Variants in SGPP2 observed in about 807,000 individuals in gnomAD.
SGPP2 encodes the protein sphingosine 1-phosphate phosphohydrolase 2.
Under a neutral mutation model 33.9 loss-of-function variants are expected in SGPP2, and 30 were observed. The ratio of observed to expected loss-of-function variants is 0.89; its 90% confidence interval spans 0.66 to 1.20. The LOEUF is 1.20. Ranked by LOEUF, SGPP2 falls within the 50% of genes most tolerant of loss-of-function variation. SGPP2 has a pLI of 0.00. For missense variants in SGPP2, 458 were observed against 532.1 expected (o/e 0.86, Z 1.37); for synonymous variants, 233 against 225.0 (o/e 1.04, Z -0.32).
chr2:222,489,540 A>C (rs1698165153), intron 2 of SGPP2, among the ~76,000 whole-genome samples: 1 of 151,980 alleles, frequency 6.6e-6, no homozygotes, highest in Non-Finnish European at 1.5e-5. Flanking sequence ...ATACCATAGA[A>C]AGCTTTTAGA....
intron 4 of SGPP2, among the ~76,000 whole-genome samples, chr2:222,530,559 T>C (rs951594019): frequency 2.0e-5 from 3 of 152,250 alleles, no homozygotes; most frequent in Admixed American, 6.5e-5. Flanking sequence ...AGACTTTTTT[T>C]CTGCAGCTTC....
chr2:222,460,346 G>A lies in SGPP2; in HGVS notation c.220-14222G>A, dbSNP rs1029400266. Among the ~76,000 whole-genome samples, 7 of 152,292 alleles carry A rather than the reference G, an allele frequency of 4.6e-5. No homozygotes were observed. The highest frequency in any genetic ancestry group is 1.9e-4 in the East Asian group (1 of 5,178). On this transcript the variant is annotated intron_variant, in intron 1 of 4. Transcript: ENST00000321276. This position sits in a 1 kb window ranked among gnomAD's most constrained non-coding sequence, Gnocchi z 4.3. Reference sequence around the variant, plus strand: ...GTTATTTCAGATGTGAGGTGGGAGCGCAGGGAGGCTCCAGTGGGGCTGCTG... The same window carrying A: ...GTTATTTCAGATGTGAGGTGGGAGCACAGGGAGGCTCCAGTGGGGCTGCTG...
intron 1 of SGPP2, among the ~76,000 whole-genome samples, chr2:222,430,080 G>A (rs1367780671): frequency 2.3e-5 from 2 of 85,508 alleles, no homozygotes; most frequent in Admixed American, 1.6e-4. Context: ...AAAGGATGCA[G>A]TGCAAAAAAT....
chr2:222,561,451 TTG>T lies in SGPP2; in HGVS notation c.*2555_*2556del. ...TGACAAAAGGATCAGCTTTTCCCACTTGTATTTTTTAAAAAGAGGGATTGTGA... is the reference window on the plus strand; with the variant it reads ...TGACAAAAGGATCAGCTTTTCCCACTTATTTTTTAAAAAGAGGGATTGTGA... On this transcript the variant is annotated 3_prime_UTR_variant, in exon 5 of 5. Transcript: ENST00000321276. Among the ~76,000 whole-genome samples, 1 of 151,970 alleles carries T rather than the reference TTG, an allele frequency of 6.6e-6. No individual in the cohort carries two copies. The highest frequency in any genetic ancestry group is 1.9e-4 in the East Asian group (1 of 5,172).
chr2:222,455,295 C>A (rs997146233), intron 1 of SGPP2, among the ~76,000 whole-genome samples: 3 of 151,810 alleles, frequency 2.0e-5, no homozygotes, highest in Admixed American at 6.6e-5. Flanking sequence ...TGATGTGGAG[C>A]CAGGGAGGTG....
chr2:222,470,158 T>G (rs1370291615), intron 1 of SGPP2, among the ~76,000 whole-genome samples: 1 of 152,100 alleles, frequency 6.6e-6, no homozygotes, highest in African/African-American at 2.4e-5. Context: ...GGCAAATACC[T>G]AATGCATGCG....
chr2:222,475,579 C>A (rs1697921796), intron 2 of SGPP2, among the ~76,000 whole-genome samples: 1 of 152,196 alleles, frequency 6.6e-6, no homozygotes. Flanking sequence ...TAAGGCAAAG[C>A]AGCTTCCTTG....
intron 1 of SGPP2, among the ~76,000 whole-genome samples, chr2:222,457,054 A>G (rs1264330543): frequency 1.3e-5 from 2 of 152,176 alleles, no homozygotes; most frequent in Non-Finnish European, 2.9e-5. Context: ...AGAAAAAAAA[A>G]TCTTCAGAGC....
chr2:222,478,267 T>TTGTG (rs113118208), intron 2 of SGPP2, among the ~76,000 whole-genome samples: 15,272 of 141,462 alleles, frequency 0.11, 856 homozygotes, highest in East Asian at 0.16. Context: ...GTGCATGCAT[T>TTGTG]TGTGTGTGTG....
chr2:222,530,646 G>A (rs1442909200), intron 4 of SGPP2, among the ~76,000 whole-genome samples: 3 of 152,172 alleles, frequency 2.0e-5, no homozygotes, highest in African/African-American at 7.2e-5. Context: ...AGGGAATGTT[G>A]TGACTGGTTT....
At chr2:222,487,556 A>G (rs1372632858) in intron 2 of SGPP2, among the ~76,000 whole-genome samples, 1 of 152,184 alleles carries the variant, frequency 6.6e-6, no homozygotes, top group Non-Finnish European at 1.5e-5. Flanking sequence ...GGCTTCAACC[A>G]TGCATCTGCC....
intron 1 of SGPP2, among the ~76,000 whole-genome samples, chr2:222,431,733 G>A (rs991527540): frequency 6.6e-6 from 1 of 152,184 alleles, no homozygotes; most frequent in Middle Eastern, 3.2e-3. Context: ...GAGGCCCTTA[G>A]CAAAGAAAGG....
chr2:222,440,726 T>C lies in SGPP2; in HGVS notation c.219+15905T>C, dbSNP rs146397045. On this transcript the variant is annotated intron_variant, in intron 1 of 4. Transcript: ENST00000321276. ...TTGCAAGTAGATCAAATTTGCACAT[T>C]AGGACAACTTCAGTCTCTCTTCCAG... Among the ~76,000 whole-genome samples, 11 of 152,304 alleles carry C rather than the reference T, an allele frequency of 7.2e-5. No individual in the cohort carries two copies. In the East Asian group the frequency reaches 2.1e-3, roughly 29 times the overall value.
intron 4 of SGPP2, among the ~76,000 whole-genome samples, chr2:222,552,300 T>G (rs1355579351): frequency 6.6e-6 from 1 of 152,234 alleles, no homozygotes; most frequent in Admixed American, 6.5e-5. Flanking sequence ...TTTTCCATAG[T>G]GGTTGTACTA....
At chr2:222,525,309 C>T (rs1039979093) in intron 4 of SGPP2, among the ~76,000 whole-genome samples, 3 of 152,152 alleles carry the variant, frequency 2.0e-5, no homozygotes, top group South Asian at 4.1e-4. Flanking sequence ...TTTATATTCA[C>T]ATCAGTTTAC....
intron 1 of SGPP2, among the ~76,000 whole-genome samples, chr2:222,470,379 T>G (rs1192638505): frequency 6.6e-6 from 1 of 152,272 alleles, no homozygotes; most frequent in African/African-American, 2.4e-5. Context: ...TCAAGCGATT[T>G]AATCATGTAT....
At chr2:222,494,286 TA>T in intron 2 of SGPP2, among the ~76,000 whole-genome samples, 1 of 152,200 alleles carries the variant, frequency 6.6e-6, no homozygotes, top group Non-Finnish European at 1.5e-5. Context: ...AAAGATTTTT[TA>T]AAAAAATCCT....
intron 2 of SGPP2, among the ~76,000 whole-genome samples, chr2:222,506,844 A>G (rs957561586): frequency 6.6e-6 from 1 of 152,124 alleles, no homozygotes; most frequent in African/African-American, 2.4e-5. Flanking sequence ...GTGTTAAAGA[A>G]ATAATAACAT....
intron 2 of SGPP2, among the ~76,000 whole-genome samples, chr2:222,501,955 A>C (rs1320183414): frequency 6.6e-6 from 1 of 152,166 alleles, no homozygotes; most frequent in Non-Finnish European, 1.5e-5. Flanking sequence ...TGCTTTCTCA[A>C]TCTTTATGGT....
Sources: gnomAD v4.1 joint callset for allele counts (sites outside exome capture counted in the v4.1 genomes callset) on GRCh38, gnomAD v4.1.1 for gene constraint, Gnocchi (gnomAD v3.1) non-coding constraint, MANE v1.5 for transcripts, NCBI Gene and HGNC (gene_info 2026-07-23, HGNC 2026-07-21) for gene names.